PSD3: variants seen among roughly 807,000 people sequenced by gnomAD.
PSD3 encodes the protein PH and SEC7 domain-containing protein 3.
A neutral mutation model predicts 105.5 loss-of-function variants in PSD3; 49 were observed. The observed-to-expected ratio is 0.46, with a 90% CI of 0.37 to 0.59. The LOEUF (loss-of-function observed/expected upper bound fraction) is 0.59. Among genes scored for constraint, PSD3 ranks in the 20% least tolerant of loss-of-function variants. The pLI is 0.00. For synonymous variants in PSD3, 557 were observed against 457.8 expected (o/e 1.22, Z -2.77); for missense variants, 1,561 against 1,263.8 (o/e 1.24, Z -3.57).
At chr8:18,768,934 A>C (rs1468693145) in intron 8 of PSD3, among the ~76,000 whole-genome samples, 1 of 152,236 alleles carries the variant, frequency 6.6e-6, no homozygotes, top group African/African-American at 2.4e-5. Flanking sequence ...TCATAAGTTA[A>C]ATAAATTAAA....
chr8:18,765,303 A>T, intron 9 of PSD3, 146 bp downstream of exon 9: 1 of 673,556 alleles, frequency 1.5e-6, no homozygotes, highest in Non-Finnish European at 2.6e-6. Context: ...ACGAAAAATC[A>T]AGGACAAGGC....
intron 10 of PSD3, among the ~76,000 whole-genome samples, chr8:18,636,778 G>C (rs1285483587): frequency 6.6e-6 from 1 of 152,218 alleles, no homozygotes; most frequent in African/African-American, 2.4e-5. Context: ...ACAGTAACGA[G>C]CTATACAGGA....
chr8:18,850,037 G>A (rs1815437904), intron 4 of PSD3, among the ~76,000 whole-genome samples: 2 of 152,172 alleles, frequency 1.3e-5, no homozygotes, highest in Non-Finnish European at 2.9e-5. Flanking sequence ...TCCTATTACT[G>A]TCATCTAGGA....
chr8:18,929,620 C>T (rs1276803194), intron 2 of PSD3, among the ~76,000 whole-genome samples: 2 of 152,106 alleles, frequency 1.3e-5, no homozygotes, highest in Non-Finnish European at 2.9e-5. Flanking sequence ...CTGCTAAGGA[C>T]ACACACTCCA....
Position 18,655,629 on chromosome 8 carries a change from C to T in PSD3, c.2216+13G>A. The T allele has an allele frequency of 4.3e-6, 7 of 1,613,092 alleles. No homozygotes were observed. Among genetic ancestry groups the T allele is most frequent in the Non-Finnish European group, 5.1e-6 (6 of 1,179,130 alleles). On this transcript the variant is annotated intron_variant, in intron 10 of 15. Coordinates refer to ENST00000327040, the MANE Select transcript of PSD3 (RefSeq NM_015310.4). ...TAGTTCATTATTAAAAGGCTGACGTCCAGCACACTTACACTGCCCATTCAA... is the reference window on the plus strand; with the variant it reads ...TAGTTCATTATTAAAAGGCTGACGTTCAGCACACTTACACTGCCCATTCAA...
intron 11 of PSD3, among the ~76,000 whole-genome samples, chr8:18,623,475 A>T (rs1357286064): frequency 4.7e-5 from 7 of 148,826 alleles, no homozygotes; most frequent in Admixed American, 4.7e-4. Flanking sequence ...AAAAAAGAAA[A>T]AGGAAAAAAA....
At chr8:18,877,168 G>A (rs912225693) in intron 2 of PSD3, among the ~76,000 whole-genome samples, 4 of 152,092 alleles carry the variant, frequency 2.6e-5, no homozygotes, top group Admixed American at 2.0e-4. Flanking sequence ...TTTTACTTTT[G>A]CTGAAATCCA....
chr8:18,628,080 C>T (rs1806621978), intron 11 of PSD3, among the ~76,000 whole-genome samples: 1 of 151,632 alleles, frequency 6.6e-6, no homozygotes, highest in South Asian at 2.1e-4. Context: ...AAATAAAGTA[C>T]TGAAATGACA....
At chr8:18,956,468 T>A (rs1823581409) in intron 1 of PSD3, among the ~76,000 whole-genome samples, 1 of 152,198 alleles carries the variant, frequency 6.6e-6, no homozygotes, top group Admixed American at 6.5e-5. Context: ...AGATTCTCTC[T>A]AAAAAGTTTC....
At chr8:18,819,108 G>A (rs1053653342) in intron 4 of PSD3, among the ~76,000 whole-genome samples, 1 of 152,042 alleles carries the variant, frequency 6.6e-6, no homozygotes, top group South Asian at 2.1e-4. Context: ...CAAAACAACT[G>A]GTACCCAGAG....
rs181167350 is a variant in PSD3 at position 18,529,869 on chromosome 8, C to T, written c.*5874G>A. ...AATAATTCTTAGAAGGAAATACTCT[C>T]GCAAAACTAAGACCCTGCCAATCAT... On this transcript the variant is annotated 3_prime_UTR_variant, in exon 16 of 16. Transcript: ENST00000327040. 229 of 152,564 alleles carry T rather than the reference C, an allele frequency of 1.5e-3. No individual in the cohort carries two copies. Among genetic ancestry groups the T allele is most frequent in the African/African-American group, 5.1e-3 (210 of 41,564 alleles). The allele number at this position is 152,564 out of a possible 1,614,324, so 9.5% of individuals were successfully genotyped here.
intron 1 of PSD3, among the ~76,000 whole-genome samples, chr8:19,056,973 G>A (rs1828729214): frequency 6.6e-6 from 1 of 152,114 alleles, no homozygotes; most frequent in Admixed American, 6.5e-5. Flanking sequence ...TCTGATAAGG[G>A]TATGAACTTT....
intron 12 of PSD3, among the ~76,000 whole-genome samples, chr8:18,598,676 C>G (rs1804217728): frequency 6.6e-6 from 1 of 151,970 alleles, no homozygotes; most frequent in African/African-American, 2.4e-5. Flanking sequence ...CCCCAAAAAC[C>G]TATTAGAATA....
intron 1 of PSD3, among the ~76,000 whole-genome samples, chr8:18,948,399 A>G (rs1420380073): frequency 6.6e-6 from 1 of 152,218 alleles, no homozygotes; most frequent in East Asian, 1.9e-4. Context: ...GCTGAAAACT[A>G]CACAGAACTT....
At chr8:18,543,984 A>G (rs989660052) in intron 15 of PSD3, among the ~76,000 whole-genome samples, 10 of 152,070 alleles carry the variant, frequency 6.6e-5, no homozygotes, top group Admixed American at 2.0e-4. Flanking sequence ...GACTGCTCCT[A>G]TTTGCATTCA....
At chr8:18,792,615 C>T (rs1019305651) in intron 8 of PSD3, among the ~76,000 whole-genome samples, 16 of 152,086 alleles carry the variant, frequency 1.1e-4, no homozygotes, top group Non-Finnish European at 2.2e-4. Context: ...TAATGAATGC[C>T]AGGCTTAATA....
intron 1 of PSD3, among the ~76,000 whole-genome samples, chr8:19,076,762 G>GCTTCCTCCCTCC (rs1382819542): frequency 1.3e-5 from 2 of 152,060 alleles, no homozygotes; most frequent in African/African-American, 2.4e-5. Flanking sequence ...GAACCCGCAT[G>GCTTCCTCCCTCC]CTTCCTCCCT....
At chr8:18,920,331 A>T (rs941177700) in intron 2 of PSD3, among the ~76,000 whole-genome samples, 1 of 152,214 alleles carries the variant, frequency 6.6e-6, no homozygotes, top group African/African-American at 2.4e-5. Context: ...TAAATATCAC[A>T]AAGGGGAAAT....
chr8:18,791,611 A>C (rs1478611302), intron 8 of PSD3, among the ~76,000 whole-genome samples: 3 of 152,338 alleles, frequency 2.0e-5, no homozygotes, highest in South Asian at 2.1e-4. Flanking sequence ...TGTGAAACCC[A>C]AAACCAATAA....
Sources: allele counts gnomAD v4.1 joint callset (sites outside exome capture counted in the v4.1 genomes callset), GRCh38; gene constraint gnomAD v4.1.1; transcripts MANE v1.5; gene names NCBI Gene and HGNC (gene_info 2026-07-23, HGNC 2026-07-21).